Variants in NAV3 observed in about 807,000 individuals in gnomAD.
The protein encoded by NAV3 is pore membrane and/or filament interacting like protein 1.
NAV3 carries 87 observed loss-of-function variants against 244.7 expected under a neutral mutation model. The ratio of observed to expected loss-of-function variants is 0.36; its 90% CI spans 0.30 to 0.42. The LOEUF is 0.42. Ranked by LOEUF, NAV3 falls within the 20% of genes least tolerant of loss-of-function variation. The probability of loss-of-function intolerance (pLI) is 1.00; values close to 1 mark genes in which losing one functional copy is unlikely to be tolerated. For synonymous variants in NAV3, 1,126 were observed against 1,042.2 expected, an observed-to-expected ratio of 1.08 and a Z score of -1.55; for missense variants, 2,663 against 2,893.3, an observed-to-expected ratio of 0.92 and a Z score of 1.83.
At chr12:77,847,421 C>T (rs1192815128) in intron 1 of NAV3, among the ~76,000 whole-genome samples, 2 of 152,250 alleles carry the variant, frequency 1.3e-5, no homozygotes, top group East Asian at 3.9e-4. Context: ...TTCCCTCAGG[C>T]ACTAAACACA....
At chr12:77,939,321 C>T (rs1402990365) in intron 1 of NAV3, among the ~76,000 whole-genome samples, 2 of 151,656 alleles carry the variant, frequency 1.3e-5, no homozygotes, top group African/African-American at 2.4e-5. Flanking sequence ...GAAGGTCCTT[C>T]TCCTCACTTC....
At chr12:77,664,128 A>T (rs1383175536) in intron 2 of NAV3, among the ~76,000 whole-genome samples, 1 of 152,238 alleles carries the variant, frequency 6.6e-6, no homozygotes, top group Admixed American at 6.5e-5. Context: ...GAAATTATTC[A>T]GGTTTTGGCA....
chr12:77,828,696 T>C (rs896655243), upstream of NAV3, among the ~76,000 whole-genome samples: 13 of 152,196 alleles, frequency 8.5e-5, no homozygotes, highest in Non-Finnish European at 1.3e-4. Flanking sequence ...GTGGTAGATA[T>C]TACTGCAAAA....
At chr12:78,147,227 G>A (rs1421068326) in intron 21 of NAV3, among the ~76,000 whole-genome samples, 1 of 152,000 alleles carries the variant, frequency 6.6e-6, no homozygotes, top group East Asian at 1.9e-4. Context: ...ACCAAAGAGT[G>A]GATATGATTT....
intron 1 of NAV3, among the ~76,000 whole-genome samples, chr12:77,881,187 A>G (rs1882594157): frequency 6.6e-6 from 1 of 152,164 alleles, no homozygotes; most frequent in Admixed American, 6.5e-5. Context: ...TGTGCATGAT[A>G]TAAGAATTTA....
chr12:77,839,223 G>T (rs1309446114), intron 1 of NAV3, among the ~76,000 whole-genome samples: 2 of 152,212 alleles, frequency 1.3e-5, no homozygotes, highest in Non-Finnish European at 2.9e-5. Context: ...ATCAAATACA[G>T]TTGAGAAATG....
chr12:78,026,855 G>A (rs541838117), intron 9 of NAV3, among the ~76,000 whole-genome samples: 9 of 152,126 alleles, frequency 5.9e-5, no homozygotes, highest in South Asian at 2.1e-4. Flanking sequence ...TGAGAACTAC[G>A]CTAAAAAAGG....
intron 2 of NAV3, among the ~76,000 whole-genome samples, chr12:77,684,658 C>A (rs1052435731): frequency 3.3e-5 from 5 of 152,004 alleles, no homozygotes; most frequent in Non-Finnish European, 5.9e-5. Flanking sequence ...TTTTAATGAG[C>A]AGAATTACTA....
chr12:78,027,261 C>A (rs542251096), intron 9 of NAV3, among the ~76,000 whole-genome samples: 3 of 151,732 alleles, frequency 2.0e-5, no homozygotes, highest in African/African-American at 7.3e-5. Context: ...CATAGTGAGA[C>A]CCTGTCTCTA....
intron 2 of NAV3, among the ~76,000 whole-genome samples, chr12:77,720,693 T>C (rs1876581937): frequency 6.6e-6 from 1 of 152,114 alleles, no homozygotes; most frequent in Admixed American, 6.6e-5. Context: ...ACTTGTTCCA[T>C]GTGGAGCCAG....
chr12:77,827,248 A>C (rs1033986815), upstream of NAV3, among the ~76,000 whole-genome samples: 4 of 151,150 alleles, frequency 2.6e-5, no homozygotes, highest in African/African-American at 9.7e-5. Flanking sequence ...AAAAAAAAAA[A>C]AAAAAAAAAA....
chr12:78,128,742 G>C lies in NAV3; in HGVS notation c.4317G>C (p.Glu1439Asp), dbSNP rs1285205990. The change falls in exon 18 of 40, where the codon GAG becomes GAC. Residue 1439 changes from glutamate to aspartate, a missense_variant. Glu to Asp is a conservative substitution (Grantham distance 45). Transcript: ENST00000397909. ...TPSSRQANQE[E>D]GKEWLRSHST... is the part of the protein sequence containing the mutation. Reference sequence around the variant, plus strand: ...CATCTCGGCAGGCCAACCAAGAAGAGGGCAAAGAGTGGTTGCGTTCTCATT... The same window carrying C: ...CATCTCGGCAGGCCAACCAAGAAGACGGCAAAGAGTGGTTGCGTTCTCATT... The C allele has an allele frequency of 6.2e-7, 1 of 1,614,002 alleles. No homozygotes were observed. Among genetic ancestry groups the C allele is most frequent in the Non-Finnish European group, 8.5e-7 (1 of 1,179,944 alleles).
At position 78,050,958 on chromosome 12, in the gene NAV3, C is replaced by A. The variant is rs368184136; in HGVS notation, c.2327C>A (p.Pro776His). ...ACCAGTCGATTCATCCACACAGACC[C>A]CTCGAGGTTCATGTATACCACGCCT... Reference protein sequence around the residue: ...SGTSRFIHTDPSRFMYTTPLR... With the variant: ...SGTSRFIHTDHSRFMYTTPLR... The change falls in exon 11 of 40, where the codon CCC (proline) becomes CAC (histidine). Residue 776 changes from proline to histidine, a missense_variant. Coordinates refer to ENST00000397909, the MANE Select transcript of NAV3 (RefSeq NM_001024383.2). 6.2e-7 allele frequency: 1 copy of A among 1,614,028 alleles called. No homozygotes were observed. Among genetic ancestry groups the A allele is most frequent in the African/African-American group, 1.3e-5 (1 of 74,996 alleles).
chr12:78,087,298 AT>A (rs1187822662), intron 12 of NAV3, among the ~76,000 whole-genome samples: 1 of 152,062 alleles, frequency 6.6e-6, no homozygotes, highest in Non-Finnish European at 1.5e-5. Context: ...GTATAATCTA[AT>A]TCTAGAAAAC....
At chr12:77,908,163 T>A (rs1886196488) in intron 1 of NAV3, among the ~76,000 whole-genome samples, 1 of 152,132 alleles carries the variant, frequency 6.6e-6, no homozygotes, top group Non-Finnish European at 1.5e-5. Context: ...TATACGTTTA[T>A]TTGTCAGCAT....
chr12:78,060,772 G>A lies in NAV3; in HGVS notation c.2636+1657G>A, dbSNP rs550431117. On this transcript the variant is annotated intron_variant, in intron 12 of 39. Coordinates refer to ENST00000397909, the MANE Select transcript of NAV3 (RefSeq NM_001024383.2). ...GTGATAAGAGGGAAAGAATCCCAAA[G>A]TGTGGGCCACATTTTGAAACTAATG... Among the ~76,000 whole-genome samples, 61 of 152,266 alleles carry A rather than the reference G, an allele frequency of 4.0e-4. 2 individuals carry two copies. Among genetic ancestry groups the A allele is most frequent in the African/African-American group, 1.3e-3 (56 of 41,560 alleles).
intron 22 of NAV3, among the ~76,000 whole-genome samples, chr12:78,155,200 T>G (rs1957254843): frequency 6.6e-6 from 1 of 152,010 alleles, no homozygotes; most frequent in Admixed American, 6.6e-5. Flanking sequence ...CAGGCCCTAG[T>G]GTGTGTTGTT....
chr12:77,709,129 G>T (rs1875980254), intron 2 of NAV3, among the ~76,000 whole-genome samples: 1 of 152,072 alleles, frequency 6.6e-6, no homozygotes, highest in Admixed American at 6.6e-5. Flanking sequence ...TCATCCCTGG[G>T]ATGCAAGGCT....
intron 2 of NAV3, among the ~76,000 whole-genome samples, chr12:77,742,482 G>A (rs1020428245): frequency 2.6e-5 from 4 of 151,920 alleles, no homozygotes; most frequent in African/African-American, 9.7e-5. Flanking sequence ...AAAAATTGCA[G>A]ATGAACCACA....
Sources: allele counts gnomAD v4.1 joint callset (sites outside exome capture counted in the v4.1 genomes callset), GRCh38; gene constraint gnomAD v4.1.1; transcripts MANE v1.5; gene names NCBI Gene and HGNC (gene_info 2026-07-23, HGNC 2026-07-21).